The following IGDCC3 variants were observed in gnomAD, a reference collection of about 807,000 sequenced individuals.
The protein encoded by IGDCC3 is putative neuronal cell adhesion molecule.
A neutral mutation model predicts 72.0 loss-of-function variants in IGDCC3; 47 were observed. The ratio of observed to expected loss-of-function variants is 0.65; its 90% confidence interval spans 0.52 to 0.83. The LOEUF is 0.83. Ranked by LOEUF, IGDCC3 falls within the 40% of genes least tolerant of loss-of-function variation. IGDCC3 has a pLI of 0.00. For missense variants in IGDCC3, 1,038 were observed against 1,091.3 expected (o/e 0.95, Z 0.69); for synonymous variants, 477 against 472.8 (o/e 1.01, Z -0.11).
intron 2 of IGDCC3, among the ~76,000 whole-genome samples, chr15:65,368,687 A>C (rs569251739): frequency 6.6e-6 from 1 of 152,246 alleles, no homozygotes; most frequent in South Asian, 2.1e-4. Flanking sequence ...TTAGTCTCTG[A>C]TTCACACCCC....
intron 2 of IGDCC3, among the ~76,000 whole-genome samples, chr15:65,356,837 G>A (rs1001006771): frequency 2.5e-5 from 2 of 78,484 alleles, no homozygotes; most frequent in Non-Finnish European, 5.2e-5. Flanking sequence ...TGAGATTTGA[G>A]AATGGACCTG....
chr15:65,366,163 GAGCCACTGCACTCC>G, intron 2 of IGDCC3, among the ~76,000 whole-genome samples: 1 of 145,152 alleles, frequency 6.9e-6, no homozygotes, highest in South Asian at 2.2e-4. Flanking sequence ...AGCCGAGATT[GAGCCACTGCACTCC>G]AGCCTGGGCA....
chr15:65,328,604 G>GTT lies in IGDCC3; in HGVS notation c.*303_*304dup, dbSNP rs1395059332. 106 of 239,038 alleles carry GTT rather than the reference G, an allele frequency of 4.4e-4. No individual in the cohort carries two copies. Among genetic ancestry groups the GTT allele is most frequent in the African/African-American group, 2.3e-3 (99 of 42,982 alleles). The allele number at this position is 239,038 out of a possible 1,614,324, so 14.8% of individuals were successfully genotyped here. ...CTCTCCTCTTTTTTTTTTTTTTTAA[G>GTT]TTTTGCTTTTTAAAGAAAAATGTTA... On this transcript the variant is annotated 3_prime_UTR_variant, in exon 14 of 14. Transcript: ENST00000327987.
chr15:65,333,274 C>T lies in IGDCC3; in HGVS notation c.965G>A (p.Gly322Asp), dbSNP rs1248742690. The T allele has an allele frequency of 1.2e-6, 2 of 1,610,430 alleles. No individual in the cohort carries two copies. The highest frequency in any genetic ancestry group is 1.7e-6 in the Non-Finnish European group (2 of 1,178,640). The change falls in exon 6 of 14, where the codon GGC becomes GAC. Residue 322 changes from glycine to aspartate, a missense_variant. Transcript: ENST00000327987. ...PGTRVRRTAQ[G>D]RLVVQAPAEF... ...ATCCATACCTTGCACCACCAGCCGGCCCTGTGCCGTTCTCCTCACCCGGGT... is the reference window on the plus strand; with the variant it reads ...ATCCATACCTTGCACCACCAGCCGGTCCTGTGCCGTTCTCCTCACCCGGGT...
intron 2 of IGDCC3, among the ~76,000 whole-genome samples, chr15:65,354,216 A>G: frequency 6.6e-6 from 1 of 151,822 alleles, no homozygotes; most frequent in East Asian, 1.9e-4. Flanking sequence ...TTATTCCTTT[A>G]TTTTCTTAAT....
chr15:65,332,308 C>T (rs1595749919), intron 6 of IGDCC3, among the ~76,000 whole-genome samples: 1 of 152,316 alleles, frequency 6.6e-6, no homozygotes, highest in Admixed American at 6.5e-5. Context: ...TCCCTCTTCC[C>T]TCCTCCCCAG....
chr15:65,377,933 TGCTCAG>T lies in IGDCC3; in HGVS notation c.-151_-146del. Reference sequence around the variant, plus strand: ...CGGTGGGGGACTGGGGCCGCATGCCTGCTCAGCAGCGCGGGGGGCGCAGGGGGAGCG... The same window carrying T: ...CGGTGGGGGACTGGGGCCGCATGCCTCAGCGCGGGGGGCGCAGGGGGAGCG... On this transcript the variant is annotated 5_prime_UTR_variant, in exon 1 of 14. An upstream open reading frame in the 5' UTR gains an earlier in-frame stop. Coordinates refer to ENST00000327987, the MANE Select transcript of IGDCC3 (RefSeq NM_004884.4). This position sits in a 1 kb window ranked among gnomAD's most constrained non-coding sequence, Gnocchi z 4.9. The T allele has an allele frequency of 1.3e-6, 1 of 744,466 alleles. No homozygotes were observed. Among genetic ancestry groups the T allele is most frequent in the Non-Finnish European group, 1.7e-6 (1 of 604,510 alleles). 46.1% of individuals were successfully genotyped at this position (744,466 alleles called of 1,614,324 possible). A position where few individuals can be genotyped will look rare whatever the true frequency, so the allele number is the denominator to read the frequency against.
chr15:65,365,423 C>T (rs1248275876), intron 2 of IGDCC3, among the ~76,000 whole-genome samples: 1 of 152,146 alleles, frequency 6.6e-6, no homozygotes, highest in Non-Finnish European at 1.5e-5. Flanking sequence ...CCCATTATCA[C>T]TGCCTGCATC....
At chr15:65,341,154 A>T (rs913036518) in intron 2 of IGDCC3, among the ~76,000 whole-genome samples, 7 of 152,238 alleles carry the variant, frequency 4.6e-5, no homozygotes, top group Non-Finnish European at 7.3e-5. Context: ...AGAGAGAGAG[A>T]AAAGACCCTA....
intron 2 of IGDCC3, among the ~76,000 whole-genome samples, chr15:65,353,049 C>T (rs770190335): frequency 6.6e-6 from 1 of 152,158 alleles, no homozygotes. Flanking sequence ...AGCTAACAAC[C>T]CCATATCAGC....
chr15:65,347,122 A>G (rs898631670), intron 2 of IGDCC3, among the ~76,000 whole-genome samples: 1 of 152,140 alleles, frequency 6.6e-6, no homozygotes, highest in Non-Finnish European at 1.5e-5. Context: ...AGGACACCGG[A>G]TCTCCCTCAC....
intron 2 of IGDCC3, among the ~76,000 whole-genome samples, chr15:65,351,659 T>G (rs1283137470): frequency 6.6e-6 from 1 of 152,208 alleles, no homozygotes. Context: ...GAAATTTGGC[T>G]TATTTGGTAT....
At position 65,329,364 on chromosome 15, in the gene IGDCC3, G is replaced by GGTTT. The variant is rs747507323; in HGVS notation, c.2205+22_2205+25dup. ...TGGCAGTGTCAGAGCCTGAGGCGGG[G>GGTTT]GTTTGTTTAAGACATGGGCACTCAC... On this transcript the variant is annotated intron_variant, in intron 13 of 13. Transcript: ENST00000327987. This position sits in a 1 kb window ranked among gnomAD's most constrained non-coding sequence, Gnocchi z 4.1. 3 of 1,570,172 alleles carry GGTTT rather than the reference G, an allele frequency of 1.9e-6. No homozygotes were observed. The highest frequency in any genetic ancestry group is 2.6e-6 in the Non-Finnish European group (3 of 1,162,000).
chr15:65,331,274 G>T, intron 8 of IGDCC3, 60 bp from the exon 9 acceptor site: 1 of 1,588,150 alleles, frequency 6.3e-7, no homozygotes. Context: ...TGCCAGCATT[G>T]GTGAAATGAG....
intron 2 of IGDCC3, among the ~76,000 whole-genome samples, chr15:65,342,921 G>A (rs542838609): frequency 6.6e-6 from 1 of 152,126 alleles, no homozygotes; most frequent in South Asian, 2.1e-4. Context: ...TCGACCTCTT[G>A]GGCTCAGAAC....
chr15:65,359,394 A>G (rs187651650), intron 2 of IGDCC3, among the ~76,000 whole-genome samples: 18 of 152,234 alleles, frequency 1.2e-4, no homozygotes, highest in African/African-American at 3.9e-4. Flanking sequence ...GCTTCTTAGC[A>G]TGGAGCCTGG....
intron 2 of IGDCC3, among the ~76,000 whole-genome samples, chr15:65,348,386 C>T (rs147867004): frequency 2.6e-3 from 401 of 152,304 alleles, no homozygotes; most frequent in Middle Eastern, 6.8e-3. Flanking sequence ...ATATTTCTGG[C>T]AATCACAGAA....
At chr15:65,341,287 A>C (rs1222951312) in intron 2 of IGDCC3, among the ~76,000 whole-genome samples, 1 of 152,212 alleles carries the variant, frequency 6.6e-6, no homozygotes, top group Non-Finnish European at 1.5e-5. Flanking sequence ...TGGGGATGTA[A>C]AACGGTGCCG....
chr15:65,377,721 G>T lies in IGDCC3; in HGVS notation c.68C>A (p.Pro23Gln). 1 of 1,380,368 alleles carries T rather than the reference G, an allele frequency of 7.2e-7. No individual in the cohort carries two copies. The highest frequency in any genetic ancestry group is 9.3e-7 in the Non-Finnish European group (1 of 1,070,492). 85.5% of individuals were successfully genotyped at this position (1,380,368 alleles called of 1,614,324 possible). Reference protein sequence around the residue: ...PAPLWPRLLLPLLLLLLPAPS... With the variant: ...PAPLWPRLLLQLLLLLLPAPS... Reference sequence around the variant, plus strand: ...CGCGGGCAGCAGCAGCAACAGCAGCGGCAGCAGGAGCCGGGGCCAGAGCGG... The same window carrying T: ...CGCGGGCAGCAGCAGCAACAGCAGCTGCAGCAGGAGCCGGGGCCAGAGCGG... The change falls in exon 1 of 14, where the codon CCG becomes CAG. Residue 23 changes from proline (P) to glutamine (Q), a missense_variant. Coordinates refer to ENST00000327987, the MANE Select transcript of IGDCC3 (RefSeq NM_004884.4). This position sits in a 1 kb window ranked among gnomAD's most constrained non-coding sequence, Gnocchi z 4.9.
Sources: gnomAD v4.1 joint callset for allele counts (sites outside exome capture counted in the v4.1 genomes callset) on GRCh38, gnomAD v4.1.1 for gene constraint, Gnocchi (gnomAD v3.1) non-coding constraint, MANE v1.5 for transcripts, NCBI Gene and HGNC (gene_info 2026-07-23, HGNC 2026-07-21) for gene names.